KCNC4: variants seen among roughly 807,000 people sequenced by gnomAD.
KCNC4 encodes the protein voltage-gated potassium channel KCNC4.
In KCNC4, 23 loss-of-function variants were observed where a neutral mutation model predicts 42.8. That is an observed-to-expected ratio of 0.54 (90% CI 0.39 to 0.76). The LOEUF is 0.76. KCNC4 is among the 30% of genes least tolerant of loss of function. The pLI, the probability that KCNC4 is intolerant of heterozygous loss-of-function variation, is 0.00. For missense variants in KCNC4, 751 were observed against 898.2 expected (o/e 0.84, Z 2.10); for synonymous variants, 422 against 393.5 (o/e 1.07, Z -0.86).
In KCNC4 at chr1:110,232,933, G is replaced by A. The variant is rs374236746; in HGVS notation, c.1842G>A (p.Ser614=). Reference sequence around the variant, plus strand: ...CAGAGACCTGCCAAGACGCCCTCTCGTCCAACTATGCCCAGGCTGAAGTCC... The same window carrying A: ...CAGAGACCTGCCAAGACGCCCTCTCATCCAACTATGCCCAGGCTGAAGTCC... ...VRKETCQDAL[S]SNYAQAEVLT... The change falls in exon 4 of 4, where the codon TCG becomes TCA. Residue 614 remains serine (S), a synonymous_variant. Coordinates refer to ENST00000438661, the MANE Select transcript of KCNC4 (RefSeq NM_001039574.3). The A allele has an allele frequency of 3.0e-5, 48 of 1,612,084 alleles. No individual in the cohort carries two copies. The highest frequency in any genetic ancestry group is 2.4e-4 in the South Asian group (22 of 90,368).
intron 1 of KCNC4, among the ~76,000 whole-genome samples, chr1:110,276,299 CAAAAAAAA>C (rs3062031): frequency 5.1e-5 from 5 of 98,890 alleles, no homozygotes; most frequent in East Asian, 3.0e-4. Context: ...TCAATTTATA[CAAAAAAAA>C]AAAAAAAAAA....
intron 1 of KCNC4, among the ~76,000 whole-genome samples, chr1:110,263,344 G>C (rs1268904818): frequency 1.0e-5 from 1 of 96,448 alleles, no homozygotes; most frequent in African/African-American, 4.7e-5. Context: ...GAGAATTTAA[G>C]GGTTTTTTTT....
intron 1 of KCNC4, among the ~76,000 whole-genome samples, chr1:110,271,314 A>G (rs1659630539): frequency 6.6e-6 from 1 of 152,208 alleles, no homozygotes; most frequent in Non-Finnish European, 1.5e-5. Flanking sequence ...ATCTACTCCA[A>G]ATTCCCTCTT....
downstream of KCNC4, among the ~76,000 whole-genome samples, chr1:110,251,997 C>T (rs1420424425): frequency 6.6e-6 from 1 of 152,184 alleles, no homozygotes; most frequent in African/African-American, 2.4e-5. Context: ...GTGAGCGCTC[C>T]AGCTGCTCCA....
downstream of KCNC4, among the ~76,000 whole-genome samples, chr1:110,250,016 G>A (rs536421835): frequency 2.0e-5 from 3 of 152,256 alleles, no homozygotes; most frequent in African/African-American, 4.8e-5. Context: ...TGTTATCAGC[G>A]AACACTTTCC....
intron 1 of KCNC4, among the ~76,000 whole-genome samples, chr1:110,281,555 A>AACACACACACACACACACAC (rs55839432): frequency 6.3e-4 from 88 of 140,442 alleles, no homozygotes; most frequent in Middle Eastern, 3.8e-3. Flanking sequence ...CATATGTAAA[A>AACACACACACACACACACAC]ACACACACAC....
At chr1:110,255,958 T>C (rs1008861719) in intron 1 of KCNC4, among the ~76,000 whole-genome samples, 3 of 152,232 alleles carry the variant, frequency 2.0e-5, no homozygotes, top group Admixed American at 1.3e-4. Flanking sequence ...GTCTAGAAGC[T>C]GCTCAGGGAG....
chr1:110,255,896 G>T (rs954825240), intron 1 of KCNC4, among the ~76,000 whole-genome samples: 3 of 152,214 alleles, frequency 2.0e-5, no homozygotes, highest in Non-Finnish European at 4.4e-5. Flanking sequence ...GACTGCTTTA[G>T]TTCTCTTCCT....
intron 3 of KCNC4, chr1:110,232,404 G>A: frequency 1.3e-6 from 2 of 1,525,364 alleles, no homozygotes; most frequent in South Asian, 2.4e-5. Flanking sequence ...GACAGCAGAT[G>A]GAGCTACTTG....
chr1:110,274,259 T>C (rs1659681479), intron 1 of KCNC4, among the ~76,000 whole-genome samples: 1 of 151,988 alleles, frequency 6.6e-6, no homozygotes, highest in Non-Finnish European at 1.5e-5. Context: ...AAAACAAAAT[T>C]ACCTAGGAAT....
At chr1:110,245,025 C>T (rs114246742) in exon 4 of KCNC4, 4 of 152,220 alleles carry the variant, frequency 2.6e-5, no homozygotes, top group Admixed American at 6.5e-5. Context: ...CCCTTCTTTT[C>T]TGAATGAGCT....
exon 4 of KCNC4, chr1:110,244,744 C>G (rs1383524190): frequency 1.3e-5 from 2 of 152,268 alleles, no homozygotes; most frequent in African/African-American, 4.8e-5. Flanking sequence ...TGCTTCATCA[C>G]TGACTTCTCT....
chr1:110,232,532 C>T, intron 3 of KCNC4: 1 of 1,435,278 alleles, frequency 7.0e-7, no homozygotes, highest in Non-Finnish European at 9.1e-7. Flanking sequence ...TCCCTTTCTC[C>T]ACTGCACTGG....
At chr1:110,226,990 T>TAGGACC in intron 3 of KCNC4, among the ~76,000 whole-genome samples, 1 of 152,246 alleles carries the variant, frequency 6.6e-6, no homozygotes, top group South Asian at 2.1e-4. Context: ...CCAGGGGTCT[T>TAGGACC]AGGACCAGGC....
At chr1:110,259,700 G>A (rs1659393231) in intron 1 of KCNC4, among the ~76,000 whole-genome samples, 1 of 68,850 alleles carries the variant, frequency 1.5e-5, no homozygotes, top group African/African-American at 8.9e-5. Flanking sequence ...AGGATGGTGG[G>A]GCAGGAGCTA....
chr1:110,230,460 C>T (rs1571054226), intron 3 of KCNC4, among the ~76,000 whole-genome samples: 3 of 152,222 alleles, frequency 2.0e-5, no homozygotes. Flanking sequence ...GGGATGCCAC[C>T]ACTGTTTTCT....
downstream of KCNC4, among the ~76,000 whole-genome samples, chr1:110,250,892 C>T (rs1205403613): frequency 2.0e-5 from 3 of 152,276 alleles, no homozygotes; most frequent in African/African-American, 7.2e-5. Context: ...CCTGAAGCCT[C>T]AAGCCCATGG....
At chr1:110,277,959 C>T (rs1044734161) in intron 1 of KCNC4, among the ~76,000 whole-genome samples, 12 of 152,096 alleles carry the variant, frequency 7.9e-5, no homozygotes, top group Admixed American at 2.6e-4. Flanking sequence ...GAGCAGCCTG[C>T]GCAACTGGCG....
chr1:110,263,808 A>C (rs1170206833), intron 1 of KCNC4, among the ~76,000 whole-genome samples: 1 of 140,282 alleles, frequency 7.1e-6, no homozygotes, highest in Non-Finnish European at 1.5e-5. Flanking sequence ...AACAATCTCT[A>C]GCAAGCTTTC....
Sources: allele counts gnomAD v4.1 joint callset (sites outside exome capture counted in the v4.1 genomes callset), GRCh38; gene constraint gnomAD v4.1.1; transcripts MANE v1.5; gene names NCBI Gene and HGNC (gene_info 2026-07-23, HGNC 2026-07-21).